CTTNBP2NL: variants seen among roughly 807,000 people sequenced by gnomAD.
CTTNBP2NL encodes the protein CTTNBP2 N-terminal like, also known as CTTNBP2 N-terminal-like protein.
CTTNBP2NL carries 16 observed loss-of-function variants against 32.5 expected under a neutral mutation model. That is an observed-to-expected ratio of 0.49 (90% CI 0.33 to 0.75). The LOEUF is 0.75. Among genes scored for constraint, CTTNBP2NL ranks in the 30% least tolerant of loss-of-function variants. The pLI is 0.02. For missense variants in CTTNBP2NL, 645 were observed against 756.0 expected, an observed-to-expected ratio of 0.85 and a Z score of 1.72; for synonymous variants, 298 against 289.4, an observed-to-expected ratio of 1.03 and a Z score of -0.30.
chr1:112,447,728 C>A (rs931141394), intron 3 of CTTNBP2NL, among the ~76,000 whole-genome samples: 4 of 151,676 alleles, frequency 2.6e-5, no homozygotes, highest in Non-Finnish European at 4.4e-5. Flanking sequence ...GCAAATTTCC[C>A]TTTTTTTTAA....
At chr1:112,430,053 T>C (rs1045652264) in intron 3 of CTTNBP2NL, among the ~76,000 whole-genome samples, 1 of 152,320 alleles carries the variant, frequency 6.6e-6, no homozygotes, top group South Asian at 2.1e-4. Context: ...TCATATGTGT[T>C]AGTTGTTCAT....
chr1:112,455,295 C>T (rs1220214980), intron 5 of CTTNBP2NL, among the ~76,000 whole-genome samples: 2 of 152,128 alleles, frequency 1.3e-5, no homozygotes, highest in African/African-American at 4.8e-5. Context: ...CACCTAAGGT[C>T]AGGAGTTTGA....
chr1:112,423,948 C>G (rs1400753067), intron 3 of CTTNBP2NL, among the ~76,000 whole-genome samples: 1 of 152,202 alleles, frequency 6.6e-6, no homozygotes, highest in Non-Finnish European at 1.5e-5. Context: ...GTCTTGGACT[C>G]CTGACCTCAG....
rs1650460934 is a variant in CTTNBP2NL, at chr1:112,458,810, A to G, written c.*1398A>G. On this transcript the variant is annotated 3_prime_UTR_variant, in exon 6 of 6. Coordinates refer to ENST00000271277, the MANE Select transcript of CTTNBP2NL (RefSeq NM_018704.3). ...AACATAGTGAGACCCCATCTCTATT[A>G]AAAAAATAAATAGGCAGAGCTAAAC... 6.6e-6 allele frequency: 1 copy of G among 152,170 alleles called. No individual in the cohort carries two copies. The highest frequency in any genetic ancestry group is 6.6e-5 in the Admixed American group (1 of 15,264). 9.4% of individuals were successfully genotyped at this position (152,170 alleles called of 1,614,324 possible).
chr1:112,423,959 G>A (rs1376736421), intron 3 of CTTNBP2NL, among the ~76,000 whole-genome samples: 6 of 152,180 alleles, frequency 3.9e-5, no homozygotes, highest in Non-Finnish European at 1.5e-5. Flanking sequence ...CTGACCTCAG[G>A]TGACCCACTC....
intron 3 of CTTNBP2NL, among the ~76,000 whole-genome samples, chr1:112,440,094 A>G (rs1247012218): frequency 6.6e-6 from 1 of 152,226 alleles, no homozygotes; most frequent in East Asian, 1.9e-4. Flanking sequence ...CACGTTGCTT[A>G]TAATACACAG....
chr1:112,413,936 T>C (rs1207482440), intron 2 of CTTNBP2NL, among the ~76,000 whole-genome samples: 3 of 151,880 alleles, frequency 2.0e-5, no homozygotes, highest in Non-Finnish European at 2.9e-5. Context: ...TAATCCCAGC[T>C]ACTTGGGAGG....
chr1:112,427,146 T>C (rs1334036064), intron 3 of CTTNBP2NL, among the ~76,000 whole-genome samples: 1 of 152,222 alleles, frequency 6.6e-6, no homozygotes, highest in Non-Finnish European at 1.5e-5. Context: ...AATAATTTAT[T>C]TGAAACAATC....
intron 3 of CTTNBP2NL, among the ~76,000 whole-genome samples, chr1:112,416,566 C>T (rs898713039): frequency 6.6e-6 from 1 of 150,966 alleles, no homozygotes; most frequent in East Asian, 1.9e-4. Context: ...GGCGCTATCT[C>T]GGCTCACTGC....
intron 3 of CTTNBP2NL, among the ~76,000 whole-genome samples, chr1:112,443,552 T>C (rs1410386533): frequency 6.6e-6 from 1 of 152,150 alleles, no homozygotes; most frequent in Admixed American, 6.5e-5. Context: ...TTGCACCACA[T>C]TGGCCAGGCT....
upstream of CTTNBP2NL, among the ~76,000 whole-genome samples, chr1:112,393,920 G>A (rs1648243642): frequency 6.6e-6 from 1 of 152,124 alleles, no homozygotes; most frequent in African/African-American, 2.4e-5. Context: ...AAAGAAAGGA[G>A]GACCTGCCGG....
intron 3 of CTTNBP2NL, among the ~76,000 whole-genome samples, chr1:112,429,267 G>C (rs1398193170): frequency 6.6e-6 from 1 of 152,220 alleles, no homozygotes; most frequent in Non-Finnish European, 1.5e-5. Flanking sequence ...ATTAAAAACT[G>C]TACCTGTAAA....
intron 1 of CTTNBP2NL, among the ~76,000 whole-genome samples, chr1:112,397,227 A>C (rs1195929520): frequency 6.6e-6 from 1 of 152,214 alleles, no homozygotes; most frequent in Non-Finnish European, 1.5e-5. Context: ...AATAAGTAGC[A>C]GTGGATTAGG....
rs1332710577 is a variant in CTTNBP2NL at position 112,400,796 on chromosome 1, GA to G, written c.-134+4535del. 5.0e-4 allele frequency among the ~76,000 whole-genome samples: 71 copies of G among 143,284 alleles called. 1 individual carries two copies. The highest frequency in any genetic ancestry group is 2.2e-3 in the South Asian group (10 of 4,516). 94.0% of individuals were successfully genotyped at this position (143,284 alleles called of 152,430 possible). On this transcript the variant is annotated intron_variant, in intron 1 of 5. Coordinates refer to ENST00000271277, the MANE Select transcript of CTTNBP2NL (RefSeq NM_018704.3). The stretch of plus-strand genomic sequence containing the variant: ...AACAAGAGCGAAACTCTGTCTCAAA[GA>G]AAAAAAAAAATACAAAAATTAACCA...
At chr1:112,404,769 C>T (rs1648608896) in intron 1 of CTTNBP2NL, among the ~76,000 whole-genome samples, 1 of 152,128 alleles carries the variant, frequency 6.6e-6, no homozygotes, top group Admixed American at 6.5e-5. Flanking sequence ...AGAAATGATT[C>T]AGCCGGGTGC....
intron 3 of CTTNBP2NL, among the ~76,000 whole-genome samples, chr1:112,423,745 AC>A (rs1184616067): frequency 2.6e-5 from 4 of 152,158 alleles, no homozygotes; most frequent in African/African-American, 9.7e-5. Context: ...GTTTTTTGAG[AC>A]GGAGTCTCGC....
chr1:112,405,913 C>T (rs1253736507), intron 1 of CTTNBP2NL, among the ~76,000 whole-genome samples: 2 of 152,142 alleles, frequency 1.3e-5, no homozygotes, highest in Non-Finnish European at 2.9e-5. Context: ...CGGCCGGGCG[C>T]AGTGGCTCAC....
chr1:112,430,456 T>C (rs1193918403), intron 3 of CTTNBP2NL, among the ~76,000 whole-genome samples: 1 of 151,928 alleles, frequency 6.6e-6, no homozygotes, highest in Non-Finnish European at 1.5e-5. Flanking sequence ...CAGGCTGGTC[T>C]CGAACTCCTG....
rs1478142898 is a variant in CTTNBP2NL at position 112,455,912 on chromosome 1, CTT to C, written c.439-16_439-15del. 6.4e-6 allele frequency: 10 copies of C among 1,564,248 alleles called. No homozygotes were observed. The highest frequency in any genetic ancestry group is 7.8e-6 in the Non-Finnish European group (9 of 1,156,422). On this transcript the variant is annotated splice_polypyrimidine_tract_variant and intron_variant, in intron 5 of 5. Transcript: ENST00000271277. ...GATCACAGTTTGTCAGTATGTCTCT[CTT>C]TTCTTTTTTTTTCTAGTTGGAATTT...
Sources: gnomAD v4.1 joint callset for allele counts (sites outside exome capture counted in the v4.1 genomes callset) on GRCh38, gnomAD v4.1.1 for gene constraint, MANE v1.5 for transcripts, NCBI Gene and HGNC (gene_info 2026-07-23, HGNC 2026-07-21) for gene names.